GRM5: variants seen among roughly 807,000 people sequenced by gnomAD.
GRM5 encodes the protein metabotropic glutamate receptor 5.
A neutral mutation model predicts 83.1 loss-of-function variants in GRM5; 19 were observed. That is an observed-to-expected ratio of 0.23 (90% CI 0.16 to 0.34). GRM5 has a LOEUF of 0.34. Ranked by LOEUF, GRM5 falls within the 10% of genes least tolerant of loss-of-function variation. The pLI, the probability that GRM5 is intolerant of heterozygous loss-of-function variation, is 1.00. For synonymous variants in GRM5, 675 were observed against 633.6 expected (o/e 1.07, Z -0.98); for missense variants, 1,160 against 1,588.3 (o/e 0.73, Z 4.58).
At chr11:88,748,594 C>T (rs892793707) in intron 3 of GRM5, among the ~76,000 whole-genome samples, 1 of 152,122 alleles carries the variant, frequency 6.6e-6, no homozygotes, top group Non-Finnish European at 1.5e-5. Flanking sequence ...CAGAAAGCAT[C>T]CAGACTGCTT....
chr11:88,945,363 T>G (rs780118839), intron 2 of GRM5, among the ~76,000 whole-genome samples: 1 of 152,042 alleles, frequency 6.6e-6, no homozygotes, highest in African/African-American at 2.4e-5. Context: ...AAATTACCAA[T>G]GTCATTTTTC....
At chr11:88,556,328 T>TCTTTTC (rs71464053) in intron 8 of GRM5, among the ~76,000 whole-genome samples, 5 of 148,338 alleles carry the variant, frequency 3.4e-5, no homozygotes, top group South Asian at 2.1e-4. Context: ...TCTTTTCTTT[T>TCTTTTC]TTTTTTTTTT....
intron 2 of GRM5, among the ~76,000 whole-genome samples, chr11:88,993,497 G>A (rs762563611): frequency 6.6e-6 from 1 of 152,040 alleles, no homozygotes; most frequent in African/African-American, 2.4e-5. Context: ...AATTATAGTA[G>A]CTTTGTAATA....
At chr11:89,064,673 G>A (rs914948601) in intron 1 of GRM5, among the ~76,000 whole-genome samples, 5 of 151,820 alleles carry the variant, frequency 3.3e-5, no homozygotes, top group Admixed American at 3.3e-4. Flanking sequence ...AGTACATGAA[G>A]GTTAAGGGGC....
intron 4 of GRM5, among the ~76,000 whole-genome samples, chr11:88,639,160 C>T (rs779029730): frequency 9.2e-5 from 14 of 152,142 alleles, no homozygotes; most frequent in South Asian, 2.1e-4. Flanking sequence ...ATTCTGACTC[C>T]GTTACCATAT....
chr11:88,672,595 A>T (rs1341963646), intron 3 of GRM5, among the ~76,000 whole-genome samples: 1 of 151,984 alleles, frequency 6.6e-6, no homozygotes, highest in Non-Finnish European at 1.5e-5. Flanking sequence ...AATGTACAAA[A>T]GTAAGGATAA....
chr11:88,713,205 G>A (rs1383588478), intron 3 of GRM5, among the ~76,000 whole-genome samples: 1 of 151,954 alleles, frequency 6.6e-6, no homozygotes, highest in Non-Finnish European at 1.5e-5. Flanking sequence ...TAAAAGTCAG[G>A]TGCTGCATTA....
chr11:88,769,579 C>T (rs990098830), intron 3 of GRM5, among the ~76,000 whole-genome samples: 2 of 151,898 alleles, frequency 1.3e-5, no homozygotes, highest in African/African-American at 4.8e-5. Flanking sequence ...GAAGCCCTCA[C>T]AAAGCAACAA....
In GRM5 at chr11:88,509,186, C is replaced by T. The variant is rs1478194850; in HGVS notation, c.3045G>A (p.Arg1015=). The T allele has an allele frequency of 2.0e-6, 3 of 1,534,150 alleles. No individual in the cohort carries two copies. The highest frequency in any genetic ancestry group is 2.4e-5 in the South Asian group (2 of 83,070). ...TGCTGATGGGCGACGGTGAGCGCGGCCGCGCGGGCGCCGGGAAGTGCTCCT... is the reference window on the plus strand; with the variant it reads ...TGCTGATGGGCGACGGTGAGCGCGGTCGCGCGGGCGCCGGGAAGTGCTCCT... ...EAEEHFPAPA[R]PRSPSPISTL... The change falls in exon 10 of 10, where the codon CGG becomes CGA. Residue 1015 remains arginine, a synonymous_variant. Coordinates refer to ENST00000305447, the MANE Select transcript of GRM5 (RefSeq NM_001143831.3).
chr11:88,669,848 T>TA (rs1940147507), intron 3 of GRM5, among the ~76,000 whole-genome samples: 1 of 151,994 alleles, frequency 6.6e-6, no homozygotes, highest in Admixed American at 6.6e-5. Context: ...TTAATTCTCT[T>TA]AAAGTCGATT....
intron 3 of GRM5, among the ~76,000 whole-genome samples, chr11:88,661,069 G>A (rs776224119): frequency 1.4e-4 from 21 of 152,152 alleles, no homozygotes; most frequent in Non-Finnish European, 2.2e-4. Context: ...TCTCATAGAG[G>A]TAACATGATG....
chr11:88,913,755 T>G (rs573964949), intron 2 of GRM5, among the ~76,000 whole-genome samples: 1 of 151,950 alleles, frequency 6.6e-6, no homozygotes, highest in Admixed American at 6.6e-5. Flanking sequence ...CCAGGCTAAT[T>G]TTTGTATTTT....
chr11:88,533,784 G>A (rs79926237), intron 8 of GRM5, among the ~76,000 whole-genome samples: 3,126 of 152,280 alleles, frequency 0.021, 111 homozygotes, highest in African/African-American at 0.072. Context: ...TCCAGAGCAC[G>A]TCAGAGGTCT....
At chr11:88,898,121 G>A (rs661706) in intron 2 of GRM5, among the ~76,000 whole-genome samples, 47,291 of 151,540 alleles carry the variant, frequency 0.31, 7,675 homozygotes, top group Non-Finnish European at 0.37. Flanking sequence ...AGCAATCTTT[G>A]GTGTTCCTTG....
At chr11:89,042,242 T>C (rs142030677) in intron 2 of GRM5, among the ~76,000 whole-genome samples, 4,334 of 152,206 alleles carry the variant, frequency 0.028, 199 homozygotes, top group African/African-American at 0.095. Flanking sequence ...GCCAATTGTT[T>C]AGAAATATTG....
At chr11:88,999,480 T>C (rs1041929596) in intron 2 of GRM5, among the ~76,000 whole-genome samples, 1 of 151,984 alleles carries the variant, frequency 6.6e-6, no homozygotes, top group African/African-American at 2.4e-5. Flanking sequence ...AAAAAACACA[T>C]GAAAAATTTC....
intron 3 of GRM5, among the ~76,000 whole-genome samples, chr11:88,659,905 C>G (rs1939860694): frequency 6.8e-6 from 1 of 147,288 alleles, no homozygotes; most frequent in African/African-American, 2.4e-5. Context: ...TCTTCATTTC[C>G]TATCCATATA....
In GRM5 at chr11:88,866,406, G is replaced by A. The variant is rs946343737; in HGVS notation, c.662-16251C>T. Among the ~76,000 whole-genome samples the A allele has an allele frequency of 2.6e-5, 4 of 152,050 alleles. No homozygotes were observed. In the South Asian group the frequency reaches 8.3e-4, roughly 31 times the overall value. Reference sequence around the variant, plus strand: ...CACCACACACTGGGGCCTGTCAGGGGATTGGGGTCTAGGGATGGATAGCAT... The same window carrying A: ...CACCACACACTGGGGCCTGTCAGGGAATTGGGGTCTAGGGATGGATAGCAT... On this transcript the variant is annotated intron_variant, in intron 2 of 9. Coordinates refer to ENST00000305447, the MANE Select transcript of GRM5 (RefSeq NM_001143831.3).
intron 2 of GRM5, among the ~76,000 whole-genome samples, chr11:88,869,103 T>C (rs1944719819): frequency 6.6e-6 from 1 of 151,762 alleles, no homozygotes; most frequent in Admixed American, 6.6e-5. Context: ...AGTTTTGCTC[T>C]GAAGCAGATG....
Sources: gnomAD v4.1 joint callset for allele counts (sites outside exome capture counted in the v4.1 genomes callset) on GRCh38, gnomAD v4.1.1 for gene constraint, MANE v1.5 for transcripts, NCBI Gene and HGNC (gene_info 2026-07-23, HGNC 2026-07-21) for gene names.